Variants in DLGAP2 observed in about 807,000 individuals in gnomAD.
The protein encoded by DLGAP2 is disks large-associated protein 2.
Under a neutral mutation model 100.3 loss-of-function variants are expected in DLGAP2, and 26 were observed. The ratio of observed to expected loss-of-function variants is 0.26; its 90% CI spans 0.19 to 0.36. The LOEUF is 0.36. Ranked by LOEUF, DLGAP2 falls within the 10% of genes least tolerant of loss-of-function variation. The pLI, the probability that DLGAP2 is intolerant of heterozygous loss-of-function variation, is 1.00. For synonymous variants in DLGAP2, 886 were observed against 630.1 expected, an observed-to-expected ratio of 1.41 and a Z score of -6.08; for missense variants, 1,858 against 1,453.2, an observed-to-expected ratio of 1.28 and a Z score of -4.53.
intron 1 of DLGAP2, among the ~76,000 whole-genome samples, chr8:778,104 C>T (rs1427243354): frequency 6.6e-6 from 1 of 152,048 alleles, no homozygotes; most frequent in Non-Finnish European, 1.5e-5. Context: ...TTTCATCTTC[C>T]ACCGCTGATA....
intron 2 of DLGAP2, among the ~76,000 whole-genome samples, chr8:1,136,424 A>T (rs1293634649): frequency 6.6e-6 from 1 of 152,204 alleles, no homozygotes; most frequent in African/African-American, 2.4e-5. Flanking sequence ...GCAGCAGCAG[A>T]TCTGGACAGC....
At chr8:1,164,931 A>C (rs1796985066) in intron 2 of DLGAP2, among the ~76,000 whole-genome samples, 1 of 152,104 alleles carries the variant, frequency 6.6e-6, no homozygotes, top group South Asian at 2.1e-4. Context: ...AATCGTGGAA[A>C]ATGATAAAGT....
chr8:857,375 A>G (rs1291825424), intron 1 of DLGAP2, among the ~76,000 whole-genome samples: 3 of 152,166 alleles, frequency 2.0e-5, no homozygotes, highest in African/African-American at 7.2e-5. Flanking sequence ...CTGCAAAGAC[A>G]CTCTTCAGAG....
At chr8:1,461,167 G>A (rs1387871474) in intron 3 of DLGAP2, among the ~76,000 whole-genome samples, 1 of 149,028 alleles carries the variant, frequency 6.7e-6, no homozygotes, top group Non-Finnish European at 1.5e-5. Flanking sequence ...TTTGGGTTGG[G>A]AGAAGGTGCT....
At chr8:1,159,798 C>T (rs1445905720) in intron 2 of DLGAP2, among the ~76,000 whole-genome samples, 4 of 152,186 alleles carry the variant, frequency 2.6e-5, no homozygotes, top group African/African-American at 9.7e-5. Flanking sequence ...TGAAAAGTTG[C>T]TCTGTGTTTA....
At chr8:1,582,642 T>G (rs941136452) in intron 6 of DLGAP2, among the ~76,000 whole-genome samples, 3 of 151,900 alleles carry the variant, frequency 2.0e-5, no homozygotes, top group African/African-American at 4.8e-5. Context: ...CAGGCTGGAG[T>G]GTGGTGGCAC....
intron 2 of DLGAP2, among the ~76,000 whole-genome samples, chr8:1,025,743 G>T (rs1025896363): frequency 2.0e-5 from 3 of 152,170 alleles, no homozygotes; most frequent in Non-Finnish European, 4.4e-5. Flanking sequence ...AAATGACAGG[G>T]GAGGCAGGGA....
At chr8:795,666 G>C (rs1157621081) in intron 1 of DLGAP2, among the ~76,000 whole-genome samples, 50 of 128,398 alleles carry the variant, frequency 3.9e-4, no homozygotes, top group African/African-American at 3.5e-4. Flanking sequence ...GTGAGAGCAG[G>C]TGTCCAGTGA....
intron 3 of DLGAP2, among the ~76,000 whole-genome samples, chr8:1,267,086 G>T (rs780066281): frequency 1.3e-5 from 2 of 151,810 alleles, no homozygotes; most frequent in African/African-American, 4.8e-5. Flanking sequence ...AACAAAATTA[G>T]CCAGGCGTGG....
intron 2 of DLGAP2, among the ~76,000 whole-genome samples, chr8:1,010,954 CGGGCG>C (rs1417574903): frequency 7.0e-6 from 1 of 143,884 alleles, no homozygotes; most frequent in African/African-American, 2.9e-5. Flanking sequence ...CAGTGAACCC[CGGGCG>C]AGGGGCCTCA....
At position 1,178,849 on chromosome 8, in the gene DLGAP2, G is replaced by A. The variant is rs549066012; in HGVS notation, c.74-80002G>A. ...ACCCTGGTTTCTCACAAGAGGGTGTGGGTGTGATTCAGCTGCAACTGCTCT... is the reference window on the plus strand; with the variant it reads ...ACCCTGGTTTCTCACAAGAGGGTGTAGGTGTGATTCAGCTGCAACTGCTCT... On this transcript the variant is annotated intron_variant, in intron 2 of 14. Transcript: ENST00000637795. Among the ~76,000 whole-genome samples the A allele has an allele frequency of 2.0e-5, 3 of 152,196 alleles. No individual in the cohort carries two copies. The East Asian group carries it at 5.8e-4, about 29-fold the overall frequency.
At chr8:969,232 G>A (rs1584933659) in intron 2 of DLGAP2, among the ~76,000 whole-genome samples, 3 of 152,258 alleles carry the variant, frequency 2.0e-5, no homozygotes, top group East Asian at 1.9e-4. Flanking sequence ...CATGGCCTCC[G>A]ATGTCAGCTC....
chr8:889,098 G>T (rs1328977863), intron 1 of DLGAP2, among the ~76,000 whole-genome samples: 1 of 152,148 alleles, frequency 6.6e-6, no homozygotes, highest in African/African-American at 2.4e-5. Flanking sequence ...CTCAGTAGGG[G>T]AGCTTTTGAG....
At chr8:1,221,980 C>T (rs954643535) in intron 2 of DLGAP2, among the ~76,000 whole-genome samples, 1 of 152,104 alleles carries the variant, frequency 6.6e-6, no homozygotes, top group African/African-American at 2.4e-5. Context: ...TGTTGTCGTT[C>T]AACTGTTGGA....
intron 2 of DLGAP2, among the ~76,000 whole-genome samples, chr8:1,146,174 C>A (rs1006731489): frequency 6.6e-6 from 1 of 152,182 alleles, no homozygotes; most frequent in Non-Finnish European, 1.5e-5. Flanking sequence ...TCCACAGGAG[C>A]CCCTGCAGGT....
intron 3 of DLGAP2, among the ~76,000 whole-genome samples, chr8:1,310,063 A>G (rs2117013310): frequency 6.6e-6 from 1 of 151,682 alleles, no homozygotes; most frequent in South Asian, 2.1e-4. Flanking sequence ...CATCTCAAAA[A>G]AAAAAAAAAA....
At chr8:1,267,583 T>TA (rs1345507931) in intron 3 of DLGAP2, among the ~76,000 whole-genome samples, 1 of 44,472 alleles carries the variant, frequency 2.2e-5, no homozygotes, top group Non-Finnish European at 4.9e-5. Flanking sequence ...TAAAATAAAA[T>TA]AAAATAAGAT....
chr8:1,170,153 GT>G (rs1262683326), intron 2 of DLGAP2, among the ~76,000 whole-genome samples: 1 of 152,164 alleles, frequency 6.6e-6, no homozygotes, highest in Non-Finnish European at 1.5e-5. Context: ...TGTGGTTTTT[GT>G]CTTTGGTTCT....
At chr8:1,185,049 G>C (rs35658574) in intron 2 of DLGAP2, among the ~76,000 whole-genome samples, 2 of 151,880 alleles carry the variant, frequency 1.3e-5, no homozygotes, top group African/African-American at 4.8e-5. Flanking sequence ...GAAGTGACTC[G>C]TTTCCCAGGA....
Sources: allele counts gnomAD v4.1 joint callset (sites outside exome capture counted in the v4.1 genomes callset), GRCh38; gene constraint gnomAD v4.1.1; transcripts MANE v1.5; gene names NCBI Gene and HGNC (gene_info 2026-07-23, HGNC 2026-07-21).